Variants in VPS33B observed in about 807,000 individuals in gnomAD.
VPS33B encodes the protein vacuolar protein sorting-associated protein 33B.
In VPS33B, 80 loss-of-function variants were observed where a neutral mutation model predicts 95.3. The observed-to-expected ratio is 0.84, with a 90% CI of 0.70 to 1.01. The LOEUF (loss-of-function observed/expected upper bound fraction) is 1.01. Among genes scored for constraint, VPS33B ranks in the 50% least tolerant of loss-of-function variants. The pLI is 0.00. For missense variants in VPS33B, 715 were observed against 773.4 expected (o/e 0.92, Z 0.90); for synonymous variants, 280 against 280.4 (o/e 1.00, Z 0.01).
chr15:91,001,624 C>A (rs996274693), intron 18 of VPS33B, among the ~76,000 whole-genome samples, 162 bp from the exon 19 acceptor site: 1 of 152,178 alleles, frequency 6.6e-6, no homozygotes, highest in African/African-American at 2.4e-5. Flanking sequence ...ACTCCCCACC[C>A]TTCTCCCCAC....
At chr15:91,008,453 CG>C (rs1216334314) in intron 6 of VPS33B, among the ~76,000 whole-genome samples, 6 of 152,104 alleles carry the variant, frequency 3.9e-5, no homozygotes, top group Admixed American at 3.9e-4. Flanking sequence ...TTGGCAGAGA[CG>C]GGGTTTTGCC....
intron 6 of VPS33B, among the ~76,000 whole-genome samples, chr15:91,008,777 T>C (rs1307972440): frequency 6.6e-6 from 1 of 152,046 alleles, no homozygotes; most frequent in Non-Finnish European, 1.5e-5. Flanking sequence ...TGAGCACATA[T>C]ATTAAAGGGA....
intron 1 of VPS33B, among the ~76,000 whole-genome samples, chr15:91,019,243 G>A (rs2041036729): frequency 6.7e-6 from 1 of 148,252 alleles, no homozygotes; most frequent in Non-Finnish European, 1.5e-5. Context: ...TCAGCCTCCC[G>A]AGTAGCTGGG....
Position 91,006,696 on chromosome 15 carries a change from A to T in VPS33B, c.734T>A (p.Val245Glu). The T allele has an allele frequency of 6.2e-7, 1 of 1,614,120 alleles. No homozygotes were observed. Residue 245 changes from valine (V) to glutamate (E), a missense_variant, in exon 10 of 23, where the codon GTG becomes GAG. Transcript: ENST00000333371. This position sits in a 1 kb window ranked among gnomAD's most constrained non-coding sequence, Gnocchi z 5.4. ...VDFVTALCSQ[V>E]VYEGLVDDTF... Reference sequence around the variant, plus strand: ...GTCATCTACTAGGCCCTCATAAACCACTTGGGAGCAAAGTGCTGTCACAAA... The same window carrying T: ...GTCATCTACTAGGCCCTCATAAACCTCTTGGGAGCAAAGTGCTGTCACAAA...
Position 90,998,745 on chromosome 15 carries a change from T to A in VPS33B, c.*230A>T. ...TTTAGCAAAGGATGCCTCTTCCTGCTCGCATCTTAGCAGCATGGGTTGTAC... is the reference window on the plus strand; with the variant it reads ...TTTAGCAAAGGATGCCTCTTCCTGCACGCATCTTAGCAGCATGGGTTGTAC... On this transcript the variant is annotated 3_prime_UTR_variant, in exon 23 of 23. Transcript: ENST00000333371. The surrounding 1 kb of genome is among the most constrained non-coding windows in gnomAD (Gnocchi z 4.8). 1.7e-6 allele frequency: 1 copy of A among 604,992 alleles called. No individual in the cohort carries two copies. Among genetic ancestry groups the A allele is most frequent in the Non-Finnish European group, 3.0e-6 (1 of 336,910 alleles). The allele number at this position is 604,992 out of a possible 1,614,324, so 37.5% of individuals were successfully genotyped here. A position where few individuals can be genotyped will look rare whatever the true frequency, so the allele number is the denominator to read the frequency against.
intron 2 of VPS33B, 74 bp from the exon 3 acceptor site, chr15:91,017,098 G>A (rs2040950252): frequency 5.1e-6 from 7 of 1,384,826 alleles, no homozygotes; most frequent in Non-Finnish European, 6.2e-6. Context: ...GAAGATAGGG[G>A]ACTTCTTGAG....
At position 91,006,719 on chromosome 15, in the gene VPS33B, A is replaced by G. The variant is rs2040616020; in HGVS notation, c.711T>C (p.Phe237=). The G allele has an allele frequency of 1.2e-6, 2 of 1,614,178 alleles. No homozygotes were observed. Among genetic ancestry groups the G allele is most frequent in the Non-Finnish European group, 1.7e-6 (2 of 1,180,046 alleles). ...HIFLLDRDVD[F]VTALCSQVVY... ...CCACTTGGGAGCAAAGTGCTGTCACAAAGTCCACATCTGAAACAGAGATCC... is the reference window on the plus strand; with the variant it reads ...CCACTTGGGAGCAAAGTGCTGTCACGAAGTCCACATCTGAAACAGAGATCC... The change falls in exon 10 of 23, where the codon TTT becomes TTC. Residue 237 remains phenylalanine (F), a synonymous_variant. Coordinates refer to ENST00000333371, the MANE Select transcript of VPS33B (RefSeq NM_018668.5). This position sits in a 1 kb window ranked among gnomAD's most constrained non-coding sequence, Gnocchi z 5.4.
At position 91,010,530 on chromosome 15, in the gene VPS33B, G is replaced by A. The variant is rs1465946808; in HGVS notation, c.358-684C>T. Among the ~76,000 whole-genome samples the A allele has an allele frequency of 6.6e-6, 1 of 152,206 alleles. No individual in the cohort carries two copies. Among genetic ancestry groups the A allele is most frequent in the Non-Finnish European group, 1.5e-5 (1 of 68,046 alleles). On this transcript the variant is annotated intron_variant, in intron 5 of 22. Transcript: ENST00000333371. The surrounding 1 kb of genome is among the most constrained non-coding windows in gnomAD (Gnocchi z 5.7). ...GTGGGAGGATCACTTGAGCCCAGGA[G>A]GTCAAGGCTGCACTGAGCTGAGATT... is the stretch of plus-strand genomic sequence containing the variant.
Position 91,006,162 on chromosome 15 carries a change from A to G in VPS33B, c.853-103T>C, listed in dbSNP as rs1437010410. ...TACTCAGGTGTTCTGGCAGAAATAC[A>G]AAGAAAGCTGAGCTGGGATCTGTAA... is the stretch of plus-strand genomic sequence containing the variant. On this transcript the variant is annotated intron_variant, in intron 11 of 22. Transcript: ENST00000333371. The surrounding 1 kb of genome is among the most constrained non-coding windows in gnomAD (Gnocchi z 5.4). 14 of 1,418,290 alleles carry G rather than the reference A, an allele frequency of 9.9e-6. No homozygotes were observed. In the Admixed American group the frequency reaches 1.5e-4, roughly 15 times the overall value. The allele number at this position is 1,418,290 out of a possible 1,614,324, so 87.9% of individuals were successfully genotyped here. A position where few individuals can be genotyped will look rare whatever the true frequency, so the allele number is the denominator to read the frequency against.
At chr15:91,022,028 G>C (rs1259494309) in intron 1 of VPS33B, 126 bp downstream of exon 1, 7 of 1,101,064 alleles carry the variant, frequency 6.4e-6, no homozygotes, top group Non-Finnish European at 8.0e-6. Context: ...TTCTGGACCT[G>C]CTGGGGAAGC....
At chr15:91,001,522 A>G in intron 18 of VPS33B, 60 bp from the exon 19 acceptor site, 2 of 1,363,840 alleles carry the variant, frequency 1.5e-6, no homozygotes, top group Non-Finnish European at 2.1e-6. Flanking sequence ...ACACTGCCAC[A>G]GATAACACCA....
At position 91,013,989 on chromosome 15, in the gene VPS33B, G is replaced by C; in HGVS notation, c.290-118C>G. ...ATCCCAGCACTTGGGAGGCTGAGGC[G>C]GGTGGATCACCTGAGGTCAGGAGTT... On this transcript the variant is annotated intron_variant, in intron 4 of 22. Transcript: ENST00000333371. This position sits in a 1 kb window ranked among gnomAD's most constrained non-coding sequence, Gnocchi z 4.5. The C allele has an allele frequency of 8.0e-7, 1 of 1,246,824 alleles. No homozygotes were observed. The highest frequency in any genetic ancestry group is 1.2e-6 in the Non-Finnish European group (1 of 854,858). The allele number at this position is 1,246,824 out of a possible 1,614,324, so 77.2% of individuals were successfully genotyped here.
In VPS33B at chr15:91,007,628, G is replaced by T. The variant is rs1468545554; in HGVS notation, c.499-55C>A. ...TGAATCAACCCAGTAGGACCACCTG[G>T]AAAGTGGCTAGCCCTAGAAGCCCTG... On this transcript the variant is annotated intron_variant, in intron 7 of 22. Transcript: ENST00000333371. The surrounding 1 kb of genome is among the most constrained non-coding windows in gnomAD (Gnocchi z 5.3). The T allele has an allele frequency of 1.3e-6, 2 of 1,585,440 alleles. No homozygotes were observed. The highest frequency in any genetic ancestry group is 2.7e-5 in the African/African-American group (2 of 74,284).
Position 91,000,814 on chromosome 15 carries a change from A to G in VPS33B, c.1480-223T>C. Reference sequence around the variant, plus strand: ...CCATGCGCCATTATTGAATAATGTAAAGGGGCTGGAGGGATGGCTTCTCCT... The same window carrying G: ...CCATGCGCCATTATTGAATAATGTAGAGGGGCTGGAGGGATGGCTTCTCCT... On this transcript the variant is annotated intron_variant, in intron 19 of 22. Transcript: ENST00000333371. The surrounding 1 kb of genome is among the most constrained non-coding windows in gnomAD (Gnocchi z 4.9). The G allele has an allele frequency of 5.8e-6, 3 of 515,342 alleles. No homozygotes were observed. The highest frequency in any genetic ancestry group is 3.6e-6 in the Non-Finnish European group (1 of 279,870). 31.9% of individuals were successfully genotyped at this position (515,342 alleles called of 1,614,324 possible).
At position 91,002,138 on chromosome 15, in the gene VPS33B, T is replaced by C; in HGVS notation, c.1317A>G (p.Arg439=). ...EHLLTFSNLR[R]AGLLTEQAPG... is the part of the protein sequence containing the mutation. ...GGGCCTGCTCCGTTAGGAGCCCAGC[T>C]CTTCGCAGATTGGAGAAGGTTAGCA... The change falls in exon 18 of 23, where the codon AGA becomes AGG. Residue 439 remains arginine, a synonymous_variant. Transcript: ENST00000333371. This position sits in a 1 kb window ranked among gnomAD's most constrained non-coding sequence, Gnocchi z 4.7. The C allele has an allele frequency of 6.2e-7, 1 of 1,614,198 alleles. No individual in the cohort carries two copies. The highest frequency in any genetic ancestry group is 1.1e-5 in the South Asian group (1 of 91,084).
chr15:90,998,802 G>GCTCC lies in VPS33B; in HGVS notation c.*172_*173insGGAG. ...AACAGAAAAGAGAAATATCCTGGGA[G>GCTCC]CAGGAAGTGAACTCTTTTCTCAGAT... is the stretch of plus-strand genomic sequence containing the variant. On this transcript the variant is annotated 3_prime_UTR_variant, in exon 23 of 23. Coordinates refer to ENST00000333371, the MANE Select transcript of VPS33B (RefSeq NM_018668.5). This position sits in a 1 kb window ranked among gnomAD's most constrained non-coding sequence, Gnocchi z 4.8. 1.4e-6 allele frequency: 1 copy of GCTCC among 736,066 alleles called. No homozygotes were observed. The allele number at this position is 736,066 out of a possible 1,614,324, so 45.6% of individuals were successfully genotyped here.
In VPS33B at chr15:91,002,219, C is replaced by T; in HGVS notation, c.1273-37G>A. 1.2e-6 allele frequency: 2 copies of T among 1,612,516 alleles called. No individual in the cohort carries two copies. Among genetic ancestry groups the T allele is most frequent in the South Asian group, 1.1e-5 (1 of 90,740 alleles). ...GCAATTAGACTATTTACTGAGTGTCCAAAGAGCATCTAGTACTGTCAGGTA... is the reference window on the plus strand; with the variant it reads ...GCAATTAGACTATTTACTGAGTGTCTAAAGAGCATCTAGTACTGTCAGGTA... On this transcript the variant is annotated intron_variant, in intron 17 of 22. Transcript: ENST00000333371. This position sits in a 1 kb window ranked among gnomAD's most constrained non-coding sequence, Gnocchi z 4.7.
At chr15:91,021,114 T>C (rs1054093934) in intron 1 of VPS33B, among the ~76,000 whole-genome samples, 2 of 152,226 alleles carry the variant, frequency 1.3e-5, no homozygotes, top group African/African-American at 2.4e-5. Flanking sequence ...TTCTCATTTC[T>C]ATTCAATGTT....
chr15:91,016,285 C>G (rs376514542), intron 3 of VPS33B, among the ~76,000 whole-genome samples: 1 of 151,632 alleles, frequency 6.6e-6, no homozygotes, highest in Non-Finnish European at 1.5e-5. Flanking sequence ...GGAAAGGTAA[C>G]GTGGGAGGCC....
Sources: gnomAD v4.1 joint callset for allele counts (sites outside exome capture counted in the v4.1 genomes callset) on GRCh38, gnomAD v4.1.1 for gene constraint, Gnocchi (gnomAD v3.1) non-coding constraint, MANE v1.5 for transcripts, NCBI Gene and HGNC (gene_info 2026-07-23, HGNC 2026-07-21) for gene names.